Variants in C19orf44 observed in about 807,000 individuals in gnomAD.
C19orf44 encodes uncharacterized protein C19orf44.
Under a neutral mutation model 50.7 loss-of-function variants are expected in C19orf44, and 43 were observed. The observed-to-expected ratio is 0.85, with a 90% CI of 0.66 to 1.09. The LOEUF is 1.09. Among genes scored for constraint, C19orf44 ranks in the 50% least tolerant of loss-of-function variants. C19orf44 has a pLI of 0.00. For synonymous variants in C19orf44, 298 were observed against 334.7 expected (o/e 0.89, Z 1.20); for missense variants, 722 against 836.2 (o/e 0.86, Z 1.68).
Position 16,503,070 on chromosome 19 carries a change from A to G in C19orf44, c.765A>G (p.Pro255=). ...TTTCAAGTGTTTTATATCAGGTCCC[A>G]TCTCAACTGAGAGCATTTACTGTAC... ...EEEERKLFSV[P]SQLRAFTVPS... Residue 255 remains proline (P), a synonymous_variant, in exon 3 of 9, where the codon CCA becomes CCG. Transcript: ENST00000221671. 6.2e-7 allele frequency: 1 copy of G among 1,611,166 alleles called. No homozygotes were observed. Among genetic ancestry groups the G allele is most frequent in the African/African-American group, 1.3e-5 (1 of 74,966 alleles).
intron 4 of C19orf44, 27 bp downstream of exon 4, chr19:16,506,801 G>A (rs1018482929): frequency 1.3e-6 from 2 of 1,519,194 alleles, no homozygotes; most frequent in African/African-American, 1.4e-5. Context: ...CATTTTTCAT[G>A]GTCGATTGTT....
At position 16,514,480 on chromosome 19, in the gene C19orf44, A is replaced by C. The variant is rs746869243; in HGVS notation, c.1736-17A>C. 7 of 1,585,594 alleles carry C rather than the reference A, an allele frequency of 4.4e-6. No individual in the cohort carries two copies. The Admixed American group carries it at 1.0e-4, about 23-fold the overall frequency. On this transcript the variant is annotated splice_polypyrimidine_tract_variant and intron_variant, in intron 6 of 8. Coordinates refer to ENST00000221671, the MANE Select transcript of C19orf44 (RefSeq NM_032207.4). The stretch of plus-strand genomic sequence containing the variant: ...GGGGCCCCAGCGAAGCCACCGAGTA[A>C]CGCGGAGCTGGGTCAGCCCTGACCG...
At chr19:16,510,070 G>C in intron 5 of C19orf44, 82 bp downstream of exon 5, 9 of 1,598,244 alleles carry the variant, frequency 5.6e-6, no homozygotes, top group Non-Finnish European at 6.9e-6. Context: ...GAGACACGTG[G>C]GAGAGCTCAG....
Position 16,519,048 on chromosome 19 carries a change from G to A in C19orf44, c.*41-1046G>A. On this transcript the variant is annotated intron_variant, in intron 8 of 8. Coordinates refer to ENST00000221671, the MANE Select transcript of C19orf44 (RefSeq NM_032207.4). The surrounding 1 kb of genome is among the most constrained non-coding windows in gnomAD (Gnocchi z 6.0). ...CTTCTCTTCCTGTGGCTCTCCACAA[G>A]TGGAGACGGTGTAAGAACTGAGCTG... 1 of 982,278 alleles carries A rather than the reference G, an allele frequency of 1.0e-6. No individual in the cohort carries two copies. The highest frequency in any genetic ancestry group is 1.5e-6 in the Non-Finnish European group (1 of 663,596). The allele number at this position is 982,278 out of a possible 1,614,324, so 60.8% of individuals were successfully genotyped here.
rs150929772 is a variant in C19orf44 at position 16,501,104 on chromosome 19, C to A, written c.312C>A (p.Ile104=). 2.3e-4 allele frequency: 369 copies of A among 1,613,998 alleles called. No individual in the cohort carries two copies. Among genetic ancestry groups the A allele is most frequent in the Non-Finnish European group, 2.8e-4 (328 of 1,180,044 alleles). The change falls in exon 2 of 9, where the codon ATC becomes ATA. Residue 104 remains isoleucine, a synonymous_variant. Transcript: ENST00000221671. ...LMKLAQLETR[I]MNRKLQRNLS... ...AGCTGGCCCAGCTGGAAACCCGGAT[C>A]ATGAATCGGAAGCTGCAGAGGAATT...
In C19orf44 at chr19:16,509,547, G is replaced by A. The variant is rs376294170; in HGVS notation, c.1198G>A (p.Glu400Lys). 46 of 1,580,304 alleles carry A rather than the reference G, an allele frequency of 2.9e-5. No homozygotes were observed. The East Asian group carries it at 3.4e-4, about 12-fold the overall frequency. ...QKTAGKIFRA[E>K]ASTGQDAPRQ... ...AACAGCTGGCAAAATCTTCAGAGCC[G>A]AGGCGTCCACTGGGCAGGATGCCCC... The change falls in exon 5 of 9, where the codon GAG (glutamate) becomes AAG (lysine). Residue 400 changes from glutamate (E) to lysine (K), a missense_variant. Transcript: ENST00000221671.
chr19:16,520,806 G>A lies in C19orf44; in HGVS notation c.*753G>A, dbSNP rs1046607419. On this transcript the variant is annotated 3_prime_UTR_variant, in exon 9 of 9. Transcript: ENST00000221671. This position sits in a 1 kb window ranked among gnomAD's most constrained non-coding sequence, Gnocchi z 4.0. ...TGTGGACCCTGGCCCCCCGGCCACT[G>A]CAGACATCTGCGCTTTTACCTGTTC... 6 of 1,611,108 alleles carry A rather than the reference G, an allele frequency of 3.7e-6. No homozygotes were observed. In the African/African-American group the frequency reaches 8.0e-5, roughly 22 times the overall value.
At chr19:16,500,198 G>T (rs1449383813) in intron 1 of C19orf44, among the ~76,000 whole-genome samples, 1 of 152,040 alleles carries the variant, frequency 6.6e-6, no homozygotes, top group Non-Finnish European at 1.5e-5. Flanking sequence ...TAAACTGCTG[G>T]CATTATAGGT....
At chr19:16,512,487 A>C (rs112769115) in intron 5 of C19orf44, among the ~76,000 whole-genome samples, 3,729 of 152,154 alleles carry the variant, frequency 0.025, 167 homozygotes, top group African/African-American at 0.085. Context: ...CCACCGCTGC[A>C]CCCAGCTAGG....
chr19:16,500,940 T>C lies in C19orf44; in HGVS notation c.148T>C (p.Phe50Leu). 2 of 1,613,760 alleles carry C rather than the reference T, an allele frequency of 1.2e-6. No homozygotes were observed. The highest frequency in any genetic ancestry group is 1.7e-6 in the Non-Finnish European group (2 of 1,179,970). Residue 50 changes from phenylalanine (F) to leucine (L), a missense_variant, in exon 2 of 9, where the codon TTT (phenylalanine) becomes CTT (leucine). Transcript: ENST00000221671. The stretch of plus-strand genomic sequence containing the variant: ...CAAAATAGCACCTGGTCATAGCAGA[T>C]TTCTAAAAAGAAACCAAACTCTAGA... The part of the protein sequence containing the change: ...LTKIAPGHSR[F>L]LKRNQTLDEK...
rs2303118 is a variant in C19orf44, at chr19:16,520,670, C to A, written c.*617C>A. 0.12 allele frequency: 130,903 copies of A among 1,124,210 alleles called. 9,759 individuals carry two copies. Among genetic ancestry groups the A allele is most frequent in the African/African-American group, 0.33 (21,211 of 64,604 alleles). The allele number at this position is 1,124,210 out of a possible 1,614,324, so 69.6% of individuals were successfully genotyped here. A position where few individuals can be genotyped will look rare whatever the true frequency, so the allele number is the denominator to read the frequency against. ...CAAGTTCCTAAATAGTGTGGCCGAG[C>A]CTGCTGCTGTGTGAATTCAGGCCTT... On this transcript the variant is annotated 3_prime_UTR_variant, in exon 9 of 9. Transcript: ENST00000221671. The surrounding 1 kb of genome is among the most constrained non-coding windows in gnomAD (Gnocchi z 4.0).
In C19orf44 at chr19:16,510,156, C is replaced by T. The variant is rs533847421; in HGVS notation, c.1639+168C>T. 2.6e-4 allele frequency: 264 copies of T among 1,015,108 alleles called. 2 individuals are homozygous for T. Among genetic ancestry groups the T allele is most frequent in the South Asian group, 1.9e-3 (128 of 68,872 alleles). 62.9% of individuals were successfully genotyped at this position (1,015,108 alleles called of 1,614,324 possible). ...GCAAGGTGGCTCACGCCTGTAATCC[C>T]AGCACTTTGGGAGGCCGAGGCGGGA... is the stretch of plus-strand genomic sequence containing the variant. On this transcript the variant is annotated intron_variant, in intron 5 of 8. Transcript: ENST00000221671.
At chr19:16,499,143 A>G (rs559318873) in intron 1 of C19orf44, among the ~76,000 whole-genome samples, 9 of 152,280 alleles carry the variant, frequency 5.9e-5, no homozygotes, top group African/African-American at 2.2e-4. Context: ...TCTGCCAGGC[A>G]TATTTTTCTG....
At position 16,516,412 on chromosome 19, in the gene C19orf44, TCAAA is replaced by T. The variant is rs200755436; in HGVS notation, c.1903-810_1903-807del. On this transcript the variant is annotated intron_variant, in intron 7 of 8. Coordinates refer to ENST00000221671, the MANE Select transcript of C19orf44 (RefSeq NM_032207.4). ...GTGAGGGAGAAAGCGGGACTCTGTC[TCAAA>T]CAAACAACCATAATGCAATAATACA... Among the ~76,000 whole-genome samples, 379 of 152,188 alleles carry T rather than the reference TCAAA, an allele frequency of 2.5e-3. 1 individual carries two copies. Among genetic ancestry groups the T allele is most frequent in the Middle Eastern group, 0.014 (4 of 294 alleles).
In C19orf44 at chr19:16,509,972, C is replaced by T. The variant is rs765129357; in HGVS notation, c.1623C>T (p.Thr541=). The T allele has an allele frequency of 2.5e-6, 4 of 1,614,096 alleles. No individual in the cohort carries two copies. Among genetic ancestry groups the T allele is most frequent in the Non-Finnish European group, 3.4e-6 (4 of 1,180,052 alleles). ...TAVQTPDPAF[T]YEWTKVASMA... is the part of the protein sequence containing the mutation. ...TGCAGACGCCAGATCCTGCCTTCAC[C>T]TACGAGTGGACCAAGGGTAAGCCTT... is the stretch of plus-strand genomic sequence containing the variant. Residue 541 remains threonine (T), a synonymous_variant, in exon 5 of 9, where the codon ACC becomes ACT. Coordinates refer to ENST00000221671, the MANE Select transcript of C19orf44 (RefSeq NM_032207.4).
intron 1 of C19orf44, among the ~76,000 whole-genome samples, chr19:16,498,765 G>T (rs1159571126): frequency 1.3e-5 from 2 of 151,884 alleles, no homozygotes; most frequent in African/African-American, 4.8e-5. Context: ...CTGCCTCCTG[G>T]GTTCATGCCA....
chr19:16,501,448 A>C lies in C19orf44; in HGVS notation c.656A>C (p.Lys219Thr). Residue 219 changes from lysine to threonine, a missense_variant, in exon 2 of 9, where the codon AAA becomes ACA. Coordinates refer to ENST00000221671, the MANE Select transcript of C19orf44 (RefSeq NM_032207.4). The stretch of plus-strand genomic sequence containing the variant: ...CCAGACAGTGACGAAGAAGAAATGA[A>C]AGTATTGCTAGGAAGCTTGATGGAC... Reference protein sequence around the residue: ...DSPDSDEEEMKVLLGSLMDSS... With the variant: ...DSPDSDEEEMTVLLGSLMDSS... 1 of 1,613,702 alleles carries C rather than the reference A, an allele frequency of 6.2e-7. No individual in the cohort carries two copies. The highest frequency in any genetic ancestry group is 8.5e-7 in the Non-Finnish European group (1 of 1,179,818).
In C19orf44 at chr19:16,509,484, C is replaced by G; in HGVS notation, c.1150-15C>G. The G allele has an allele frequency of 6.5e-7, 1 of 1,530,056 alleles. No individual in the cohort carries two copies. The highest frequency in any genetic ancestry group is 8.8e-7 in the Non-Finnish European group (1 of 1,141,850). 94.8% of individuals were successfully genotyped at this position (1,530,056 alleles called of 1,614,324 possible). A position where few individuals can be genotyped will look rare whatever the true frequency, so the allele number is the denominator to read the frequency against. On this transcript the variant is annotated splice_polypyrimidine_tract_variant and intron_variant, in intron 4 of 8. Coordinates refer to ENST00000221671, the MANE Select transcript of C19orf44 (RefSeq NM_032207.4). ...CAAAACACTTCCCAGCCACCTCTGC[C>G]ATTCTTCATTTTAGGAGGAAAGTGC... is the stretch of plus-strand genomic sequence containing the variant.
At chr19:16,516,912 T>C (rs1406778537) in intron 7 of C19orf44, among the ~76,000 whole-genome samples, 1 of 152,184 alleles carries the variant, frequency 6.6e-6, no homozygotes, top group African/African-American at 2.4e-5. Flanking sequence ...CATCTGACTG[T>C]GCCACCTGGC....
Sources: allele counts gnomAD v4.1 joint callset (sites outside exome capture counted in the v4.1 genomes callset), GRCh38; gene constraint gnomAD v4.1.1; non-coding constraint Gnocchi (gnomAD v3.1); transcripts MANE v1.5; gene names NCBI Gene and HGNC (gene_info 2026-07-23, HGNC 2026-07-21).